DIAPH2: variants seen among roughly 807,000 people sequenced by gnomAD.
DIAPH2 encodes diaphanous related formin 2.
A neutral mutation model predicts 92.7 loss-of-function variants in DIAPH2; 35 were observed. That is an observed-to-expected ratio of 0.38 (90% confidence interval 0.29 to 0.50). DIAPH2 has a LOEUF of 0.50. DIAPH2 is among the 20% of genes least tolerant of loss of function. The probability of loss-of-function intolerance (pLI) is 0.94; values close to 1 mark genes in which losing one functional copy is unlikely to be tolerated. For missense variants in DIAPH2, 701 were observed against 819.5 expected, an observed-to-expected ratio of 0.86 and a Z score of 1.77; for synonymous variants, 301 against 280.4, an observed-to-expected ratio of 1.07 and a Z score of -0.73.
At chrX:96,872,524 C>G (rs1235890479) in intron 4 of DIAPH2, among the ~76,000 whole-genome samples, 5 of 97,499 alleles carry the variant, frequency 5.1e-5, no homozygotes, top group Non-Finnish European at 1.0e-4. Context: ...TGGAGTCTTG[C>G]TCTGTCACTC....
In DIAPH2 at chrX:97,229,460, C is replaced by A. The variant is rs1263894177; in HGVS notation, c.2720-18255C>A. ...CACAGACAAAGGTGGATGCCAAAGG[C>A]ATTTTGAAAATGATTGATGAGACTT... On this transcript the variant is annotated intron_variant, in intron 22 of 26. Coordinates refer to ENST00000324765, the MANE Select transcript of DIAPH2 (RefSeq NM_006729.5). Among the ~76,000 whole-genome samples the A allele has an allele frequency of 6.3e-5, 7 of 111,536 alleles. No homozygotes were observed. In the East Asian group the frequency reaches 2.0e-3, roughly 31 times the overall value.
chrX:96,727,566 C>T (rs1158023386), intron 1 of DIAPH2, among the ~76,000 whole-genome samples: 1 of 111,796 alleles, frequency 8.9e-6, no homozygotes, highest in Non-Finnish European at 1.9e-5. Flanking sequence ...TCTTCAGATC[C>T]CTACCCAACA....
At chrX:96,905,381 G>A (rs1250383494) in intron 5 of DIAPH2, among the ~76,000 whole-genome samples, 1 of 111,408 alleles carries the variant, frequency 9.0e-6, no homozygotes, top group Non-Finnish European at 1.9e-5. Context: ...GAAAGGTTGA[G>A]GTTTTGGGAA....
intron 17 of DIAPH2, among the ~76,000 whole-genome samples, chrX:96,986,943 T>C (rs1307914921): frequency 1.8e-5 from 2 of 112,053 alleles, no homozygotes; most frequent in Admixed American, 9.4e-5. Context: ...TATTTAATGC[T>C]AATCTCCTTT....
chrX:97,141,906 TAAAAG>T (rs747450117), intron 22 of DIAPH2, 112 bp downstream of exon 22: 69 of 861,673 alleles, frequency 8.0e-5, no homozygotes, highest in South Asian at 2.6e-4. Flanking sequence ...TGTTTACTGA[TAAAAG>T]AAAAGCAGGA....
At chrX:96,692,098 G>A (rs2063800889) in intron 1 of DIAPH2, among the ~76,000 whole-genome samples, 1 of 111,928 alleles carries the variant, frequency 8.9e-6, no homozygotes, top group Non-Finnish European at 1.9e-5. Flanking sequence ...TTCATAATAT[G>A]AGCCAGTTAA....
chrX:97,052,479 C>G (rs2066527181), intron 17 of DIAPH2, among the ~76,000 whole-genome samples: 1 of 110,541 alleles, frequency 9.0e-6, no homozygotes, highest in Admixed American at 9.7e-5. Flanking sequence ...TATGAGGTCC[C>G]TTAAATGCTA....
At chrX:96,996,495 A>C (rs980667999) in intron 17 of DIAPH2, among the ~76,000 whole-genome samples, 144 of 111,758 alleles carry the variant, frequency 1.3e-3, no homozygotes, top group African/African-American at 4.6e-3. Context: ...CATTTTTGTC[A>C]GTAAAATGTT....
chrX:97,475,595 G>A (rs189422969), intron 26 of DIAPH2, among the ~76,000 whole-genome samples: 110 of 111,513 alleles, frequency 9.9e-4, no homozygotes, highest in African/African-American at 3.2e-3. Context: ...TTCGTGTTTA[G>A]CTGCTTAGAG....
At chrX:97,301,973 G>A (rs2068709740) in intron 23 of DIAPH2, among the ~76,000 whole-genome samples, 1 of 110,670 alleles carries the variant, frequency 9.0e-6, no homozygotes, top group African/African-American at 3.3e-5. Context: ...CCAGCACTTT[G>A]GGAGGCCGAG....
chrX:97,289,325 G>A (rs2068571064), intron 23 of DIAPH2, among the ~76,000 whole-genome samples: 1 of 111,938 alleles, frequency 8.9e-6, no homozygotes, highest in Non-Finnish European at 1.9e-5. Flanking sequence ...TACAAAACAT[G>A]CTGTAATGCC....
intron 26 of DIAPH2, among the ~76,000 whole-genome samples, chrX:97,551,596 A>G (rs751866158): frequency 9.8e-6 from 1 of 101,871 alleles, no homozygotes; most frequent in Non-Finnish European, 2.0e-5. Flanking sequence ...TCCGTTTTTT[A>G]AAAAAAAAAA....
chrX:96,713,249 A>C (rs1258503556), intron 1 of DIAPH2, among the ~76,000 whole-genome samples: 4 of 111,783 alleles, frequency 3.6e-5, no homozygotes, highest in Non-Finnish European at 7.5e-5. Flanking sequence ...GAGGTTTTGC[A>C]ATCAGTGATC....
intron 1 of DIAPH2, among the ~76,000 whole-genome samples, chrX:96,722,007 C>A (rs1313366379): frequency 1.8e-5 from 2 of 111,861 alleles, no homozygotes; most frequent in Non-Finnish European, 3.8e-5. Flanking sequence ...TTTTAATATA[C>A]AAATTATAAA....
At chrX:97,055,078 C>T (rs1451008220) in intron 17 of DIAPH2, among the ~76,000 whole-genome samples, 1 of 100,762 alleles carries the variant, frequency 9.9e-6, no homozygotes, top group African/African-American at 3.5e-5. Context: ...ACCCAGGCCG[C>T]CATACCTGGC....
chrX:97,436,638 TA>T (rs2070189784), intron 26 of DIAPH2, among the ~76,000 whole-genome samples: 1 of 112,076 alleles, frequency 8.9e-6, no homozygotes, highest in South Asian at 3.8e-4. Context: ...CTGCCTCATG[TA>T]AATAAGAAAA....
chrX:96,876,564 G>A (rs1300933746), intron 4 of DIAPH2, among the ~76,000 whole-genome samples: 1 of 111,851 alleles, frequency 8.9e-6, no homozygotes, highest in Admixed American at 9.5e-5. Flanking sequence ...TATACACAAT[G>A]GAATACTATG....
chrX:97,433,441 G>A (rs1395611562), intron 26 of DIAPH2, among the ~76,000 whole-genome samples: 1 of 111,709 alleles, frequency 9.0e-6, no homozygotes, highest in Non-Finnish European at 1.9e-5. Flanking sequence ...GCTTGAGCAC[G>A]GTAGGCAGAC....
chrX:97,414,488 A>G (rs899708679), intron 25 of DIAPH2, among the ~76,000 whole-genome samples: 1 of 109,518 alleles, frequency 9.1e-6, no homozygotes, highest in Non-Finnish European at 1.9e-5. Flanking sequence ...GTCTCTACTA[A>G]AAATATAAAA....
Sources: gnomAD v4.1 joint callset for allele counts (sites outside exome capture counted in the v4.1 genomes callset) on GRCh38, gnomAD v4.1.1 for gene constraint, MANE v1.5 for transcripts, NCBI Gene and HGNC (gene_info 2026-07-23, HGNC 2026-07-21) for gene names.